GALNTL6: variants seen among roughly 807,000 people sequenced by gnomAD.
The protein encoded by GALNTL6 is polypeptide N-acetylgalactosaminyltransferase like 6, also known as polypeptide N-acetylgalactosaminyltransferase-like 6.
In GALNTL6, 46 loss-of-function variants were observed where a neutral mutation model predicts 73.7. The observed-to-expected ratio is 0.62, with a 90% CI of 0.49 to 0.80. The LOEUF (loss-of-function observed/expected upper bound fraction) is 0.80, where lower values mean the gene tolerates loss of function less well. Ranked by LOEUF, GALNTL6 falls within the 30% of genes least tolerant of loss-of-function variation. The pLI, the probability that GALNTL6 is intolerant of heterozygous loss-of-function variation, is 0.00. For missense variants in GALNTL6, 604 were observed against 755.0 expected, an observed-to-expected ratio of 0.80 and a Z score of 2.34; for synonymous variants, 259 against 263.7, an observed-to-expected ratio of 0.98 and a Z score of 0.17.
chr4:171,872,401 TA>T (rs1424177798), intron 2 of GALNTL6, among the ~76,000 whole-genome samples: 8 of 152,230 alleles, frequency 5.3e-5, no homozygotes, highest in African/African-American at 1.9e-4. Context: ...CTAAGAAAAG[TA>T]ATATTTGAGG....
chr4:172,518,821 T>C (rs908411880), intron 5 of GALNTL6, among the ~76,000 whole-genome samples: 1 of 151,954 alleles, frequency 6.6e-6, no homozygotes, highest in Non-Finnish European at 1.5e-5. Context: ...TATTCTGATA[T>C]GATTATCATG....
At chr4:172,847,576 A>G (rs1470298014) in intron 7 of GALNTL6, among the ~76,000 whole-genome samples, 2 of 152,060 alleles carry the variant, frequency 1.3e-5, no homozygotes, top group East Asian at 1.9e-4. Flanking sequence ...AAGTTGCTAT[A>G]TTATTCCCAA....
rs187810697 is a variant in GALNTL6 at position 172,918,774 on chromosome 4, A to T, written c.1042-12387A>T. Among the ~76,000 whole-genome samples, 5 of 152,318 alleles carry T rather than the reference A, an allele frequency of 3.3e-5. No individual in the cohort carries two copies. The East Asian group carries it at 9.6e-4, about 29-fold the overall frequency. On this transcript the variant is annotated intron_variant, in intron 8 of 12. Transcript: ENST00000506823. ...GTCCTTACAACCACCTATGAAGTAG[A>T]TACATTACCCCAACTTTATGGAAGA...
chr4:172,903,397 C>T (rs893777574), intron 8 of GALNTL6, among the ~76,000 whole-genome samples: 2 of 152,164 alleles, frequency 1.3e-5, no homozygotes, highest in South Asian at 4.1e-4. Context: ...GCAACCTGAA[C>T]TGTAAGTCCA....
rs575135172 is a variant in GALNTL6, at chr4:172,136,527, T to C, written c.139-93129T>C. Among the ~76,000 whole-genome samples, 11 of 152,158 alleles carry C rather than the reference T, an allele frequency of 7.2e-5. No individual in the cohort carries two copies. The East Asian group carries it at 2.1e-3, about 29-fold the overall frequency. ...ATAATTTAATATTTATTTTTCTCCA[T>C]GACCTTGAAAGCGATCTAAAGATCA... is the stretch of plus-strand genomic sequence containing the variant. On this transcript the variant is annotated intron_variant, in intron 2 of 12. Coordinates refer to ENST00000506823, the MANE Select transcript of GALNTL6 (RefSeq NM_001034845.3).
intron 5 of GALNTL6, among the ~76,000 whole-genome samples, chr4:172,373,571 GT>G (rs1742905634): frequency 6.6e-6 from 1 of 152,172 alleles, no homozygotes; most frequent in Non-Finnish European, 1.5e-5. Flanking sequence ...AAGAGGTGGG[GT>G]CTTTTAGCCT....
At chr4:171,999,706 C>T (rs1740612079) in intron 2 of GALNTL6, among the ~76,000 whole-genome samples, 1 of 152,056 alleles carries the variant, frequency 6.6e-6, no homozygotes, top group South Asian at 2.1e-4. Flanking sequence ...TTTCACTTTA[C>T]AGGTTCTTAC....
At chr4:172,542,153 C>A (rs977343695) in intron 5 of GALNTL6, among the ~76,000 whole-genome samples, 1 of 151,582 alleles carries the variant, frequency 6.6e-6, no homozygotes, top group Non-Finnish European at 1.5e-5. Context: ...GACCGGCTGG[C>A]GGCAGATGTG....
At chr4:172,268,240 T>G (rs2111050845) in intron 3 of GALNTL6, among the ~76,000 whole-genome samples, 1 of 152,294 alleles carries the variant, frequency 6.6e-6, no homozygotes, top group South Asian at 2.1e-4. Context: ...CACAAGTTGG[T>G]TTATCTGGGA....
chr4:172,819,770 A>C (rs956997754), intron 7 of GALNTL6, among the ~76,000 whole-genome samples: 20 of 152,188 alleles, frequency 1.3e-4, no homozygotes, highest in African/African-American at 4.8e-4. Context: ...AAGTTTACAC[A>C]GCAAATAGGA....
At chr4:172,175,890 T>G (rs1291710262) in intron 2 of GALNTL6, among the ~76,000 whole-genome samples, 1 of 152,106 alleles carries the variant, frequency 6.6e-6, no homozygotes, top group Admixed American at 6.6e-5. Context: ...CACTTTAGGA[T>G]TAAAAAATTA....
chr4:172,468,766 C>G (rs185910851), intron 5 of GALNTL6, among the ~76,000 whole-genome samples: 1 of 152,082 alleles, frequency 6.6e-6, no homozygotes, highest in Admixed American at 6.6e-5. Flanking sequence ...TTACATTGAG[C>G]GGGTGGGACT....
At chr4:171,853,971 C>G (rs975088703) in intron 2 of GALNTL6, among the ~76,000 whole-genome samples, 1 of 152,054 alleles carries the variant, frequency 6.6e-6, no homozygotes, top group Non-Finnish European at 1.5e-5. Context: ...ACATAGAGGC[C>G]TTACATGCAG....
chr4:173,035,774 T>G (rs1579810390), intron 12 of GALNTL6, among the ~76,000 whole-genome samples: 2 of 152,282 alleles, frequency 1.3e-5, no homozygotes, highest in East Asian at 3.9e-4. Context: ...TTGCATCAAT[T>G]TAGATAACCA....
intron 5 of GALNTL6, among the ~76,000 whole-genome samples, chr4:172,655,198 G>T (rs1332658929): frequency 6.6e-6 from 1 of 151,970 alleles, no homozygotes; most frequent in Non-Finnish European, 1.5e-5. Flanking sequence ...TTTCCCATTA[G>T]CTTCAAAATC....
intron 2 of GALNTL6, among the ~76,000 whole-genome samples, chr4:172,000,448 T>C (rs10520213): frequency 0.96 from 145,333 of 152,164 alleles, 69,481 homozygotes; most frequent in South Asian, 0.99. Context: ...TTTCCATTCC[T>C]TGTGGGTTAA....
intron 4 of GALNTL6, among the ~76,000 whole-genome samples, chr4:172,342,438 A>C (rs1741601422): frequency 6.6e-6 from 1 of 152,186 alleles, no homozygotes; most frequent in Admixed American, 6.5e-5. Flanking sequence ...TAGTTCAGGA[A>C]CAGTGCCTCA....
intron 9 of GALNTL6, among the ~76,000 whole-genome samples, chr4:172,949,219 T>G (rs1749319635): frequency 6.6e-6 from 1 of 152,204 alleles, no homozygotes; most frequent in East Asian, 1.9e-4. Flanking sequence ...GCACACACGT[T>G]TCTGGAACCA....
intron 3 of GALNTL6, among the ~76,000 whole-genome samples, chr4:172,258,861 T>G (rs185771541): frequency 2.6e-5 from 4 of 151,310 alleles, no homozygotes; most frequent in African/African-American, 9.6e-5. Flanking sequence ...ATTTTCCATT[T>G]CTGAGTTACT....
Sources: gnomAD v4.1 joint callset for allele counts (sites outside exome capture counted in the v4.1 genomes callset) on GRCh38, gnomAD v4.1.1 for gene constraint, MANE v1.5 for transcripts, NCBI Gene and HGNC (gene_info 2026-07-23, HGNC 2026-07-21) for gene names.